ROBO2: variants seen among roughly 807,000 people sequenced by gnomAD.
ROBO2 encodes roundabout guidance receptor 2.
ROBO2 carries 53 observed loss-of-function variants against 160.8 expected under a neutral mutation model. The observed-to-expected ratio is 0.33, with a 90% CI of 0.26 to 0.41. The LOEUF (loss-of-function observed/expected upper bound fraction) is 0.41. Ranked by LOEUF, ROBO2 falls within the 10% of genes least tolerant of loss-of-function variation. The pLI is 1.00. For missense variants in ROBO2, 1,577 were observed against 1,722.4 expected (o/e 0.92, Z 1.49); for synonymous variants, 664 against 611.7 (o/e 1.09, Z -1.26).
chr3:77,052,004 T>C (rs2149699041), intron 1 of ROBO2, among the ~76,000 whole-genome samples: 1 of 152,340 alleles, frequency 6.6e-6, no homozygotes. Flanking sequence ...CAATTTGGGA[T>C]CAAATGCAAA....
intron 2 of ROBO2, among the ~76,000 whole-genome samples, chr3:76,808,276 C>T (rs540514110): frequency 2.6e-5 from 4 of 152,166 alleles, no homozygotes; most frequent in African/African-American, 7.2e-5. Flanking sequence ...GAAGATATGA[C>T]GTGCACACTC....
intron 2 of ROBO2, among the ~76,000 whole-genome samples, chr3:76,051,332 A>G (rs1419855661): frequency 6.6e-6 from 1 of 152,164 alleles, no homozygotes; most frequent in African/African-American, 2.4e-5. Context: ...ACACATCTCA[A>G]AGGAATTTAG....
intron 2 of ROBO2, among the ~76,000 whole-genome samples, chr3:76,571,759 T>A (rs1416312436): frequency 6.6e-6 from 1 of 152,190 alleles, no homozygotes; most frequent in Admixed American, 6.5e-5. Context: ...GATTTCTCCA[T>A]TTTATGTACA....
intron 19 of ROBO2, among the ~76,000 whole-genome samples, chr3:77,597,139 A>G (rs978619695): frequency 2.6e-5 from 4 of 152,032 alleles, no homozygotes; most frequent in African/African-American, 9.7e-5. Flanking sequence ...TCTCCTGTGT[A>G]CTTGGCACTA....
chr3:76,984,064 A>G (rs1325714739), intron 2 of ROBO2, among the ~76,000 whole-genome samples: 1 of 152,100 alleles, frequency 6.6e-6, no homozygotes, highest in Non-Finnish European at 1.5e-5. Context: ...ACCATCAGAT[A>G]TCATGAGACT....
rs183324588 is a variant in ROBO2 at position 76,372,931 on chromosome 3, G to T, written c.109+435329G>T. Among the ~76,000 whole-genome samples the T allele has an allele frequency of 3.3e-5, 5 of 152,048 alleles. No homozygotes were observed. In the East Asian group the frequency reaches 7.8e-4, roughly 24 times the overall value. Reference sequence around the variant, plus strand: ...GGGGAATATGGAGATCTTCCCTGAAGAATAATGAGATTTTCCTTGGACATT... The same window carrying T: ...GGGGAATATGGAGATCTTCCCTGAATAATAATGAGATTTTCCTTGGACATT... On this transcript the variant is annotated intron_variant, in intron 2 of 26. Coordinates refer to the ROBO2 transcript ENST00000487694.
At chr3:76,308,250 G>A (rs914199532) in intron 2 of ROBO2, among the ~76,000 whole-genome samples, 2 of 151,580 alleles carry the variant, frequency 1.3e-5, no homozygotes, top group Non-Finnish European at 2.9e-5. Flanking sequence ...GGTGGTGGGC[G>A]CCTGTAATCC....
intron 2 of ROBO2, among the ~76,000 whole-genome samples, chr3:77,010,849 C>CCTCTCTCCCTCCCTCCCTCCCTCT (rs2061845089): frequency 2.1e-5 from 1 of 46,754 alleles, no homozygotes; most frequent in Admixed American, 3.2e-4. Flanking sequence ...TCCCTCCCTC[C>CCTCTCTCCCTCCCTCCCTCCCTCT]CTCTCTCCCT....
chr3:76,555,418 A>AAGAAG (rs879848225), intron 2 of ROBO2, among the ~76,000 whole-genome samples: 33 of 80,076 alleles, frequency 4.1e-4, no homozygotes, highest in South Asian at 2.5e-3. Context: ...GAAGAAGAAG[A>AAGAAG]AAGAAGGAGA....
intron 2 of ROBO2, among the ~76,000 whole-genome samples, chr3:76,932,393 A>G (rs1375281799): frequency 1.3e-5 from 2 of 151,170 alleles, no homozygotes; most frequent in Non-Finnish European, 2.9e-5. Flanking sequence ...AAATGATATT[A>G]TCATTCATGA....
At chr3:76,249,776 T>G (rs1050820462) in intron 2 of ROBO2, among the ~76,000 whole-genome samples, 6 of 152,082 alleles carry the variant, frequency 3.9e-5, no homozygotes, top group Non-Finnish European at 7.4e-5. Flanking sequence ...GAGAGAGGAA[T>G]ATTTGCAAAG....
intron 2 of ROBO2, among the ~76,000 whole-genome samples, chr3:77,377,114 T>G (rs537299390): frequency 1.3e-5 from 2 of 152,354 alleles, no homozygotes; most frequent in South Asian, 2.1e-4. Flanking sequence ...TTCCCTACTT[T>G]ATTTTAGAAA....
intron 2 of ROBO2, among the ~76,000 whole-genome samples, chr3:77,130,250 C>T (rs1385312574): frequency 1.3e-5 from 2 of 152,140 alleles, no homozygotes; most frequent in Non-Finnish European, 2.9e-5. Context: ...TGCAAAGCTT[C>T]TTGCCTCACC....
intron 1 of ROBO2, among the ~76,000 whole-genome samples, chr3:77,057,432 C>CACAT (rs2065865991): frequency 6.6e-6 from 1 of 151,888 alleles, no homozygotes; most frequent in African/African-American, 2.4e-5. Flanking sequence ...GCATGTTGTG[C>CACAT]ACATGTACCC....
intron 2 of ROBO2, among the ~76,000 whole-genome samples, chr3:76,107,341 A>C (rs1295122998): frequency 6.6e-6 from 1 of 152,078 alleles, no homozygotes; most frequent in Non-Finnish European, 1.5e-5. Context: ...TCTAGACTGT[A>C]CCATAGGGCC....
rs892468313 is a variant in ROBO2 at position 77,237,442 on chromosome 3, T to TGTGTGTGTGTGTGTG, written c.388+139105_388+139106insTGTGTGTGTGTGGTG. Among the ~76,000 whole-genome samples, 9 of 150,814 alleles carry TGTGTGTGTGTGTGTG rather than the reference T, an allele frequency of 6.0e-5. No homozygotes were observed. In the South Asian group the frequency reaches 6.3e-4, roughly 11 times the overall value. ...GTGTGTGTGTGTGTGTGTGTGTGTGTGTGGTGGTGATAAGGTCTCACTATC... is the reference window on the plus strand; with the variant it reads ...GTGTGTGTGTGTGTGTGTGTGTGTGTGTGTGTGTGTGTGTGGTGGTGGTGATAAGGTCTCACTATC... On this transcript the variant is annotated intron_variant, in intron 2 of 25. Transcript: ENST00000461745.
chr3:76,228,215 A>G (rs970959174), intron 2 of ROBO2, among the ~76,000 whole-genome samples: 1 of 152,210 alleles, frequency 6.6e-6, no homozygotes, highest in South Asian at 2.1e-4. Context: ...TTCAATTTAT[A>G]AAGATTCAAT....
chr3:76,012,450 C>T (rs966128576), intron 2 of ROBO2, among the ~76,000 whole-genome samples: 1 of 152,094 alleles, frequency 6.6e-6, no homozygotes, highest in African/African-American at 2.4e-5. Context: ...ATAAAATATA[C>T]AAATATTTGA....
At chr3:76,988,392 A>G (rs1390708378) in intron 2 of ROBO2, among the ~76,000 whole-genome samples, 2 of 152,176 alleles carry the variant, frequency 1.3e-5, no homozygotes, top group African/African-American at 4.8e-5. Context: ...AGTCAGGCTA[A>G]AAAGCACTTT....
Sources: gnomAD v4.1 joint callset for allele counts (sites outside exome capture counted in the v4.1 genomes callset) on GRCh38, gnomAD v4.1.1 for gene constraint, MANE v1.5 for transcripts, NCBI Gene and HGNC (gene_info 2026-07-23, HGNC 2026-07-21) for gene names.